Variants in MAP2K5 observed in about 807,000 individuals in gnomAD.
MAP2K5 encodes mitogen-activated protein kinase kinase 5.
A neutral mutation model predicts 83.1 loss-of-function variants in MAP2K5; 49 were observed. The ratio of observed to expected loss-of-function variants is 0.59; its 90% CI spans 0.47 to 0.75. The LOEUF (loss-of-function observed/expected upper bound fraction) is 0.75. Ranked by LOEUF, MAP2K5 falls within the 30% of genes least tolerant of loss-of-function variation. The probability of loss-of-function intolerance (pLI) is 0.00; values close to 1 mark genes in which losing one functional copy is unlikely to be tolerated. For missense variants in MAP2K5, 457 were observed against 557.5 expected, an observed-to-expected ratio of 0.82 and a Z score of 1.82; for synonymous variants, 202 against 191.8, an observed-to-expected ratio of 1.05 and a Z score of -0.44.
At chr15:67,679,136 C>T (rs902213606) in intron 13 of MAP2K5, among the ~76,000 whole-genome samples, 1 of 152,192 alleles carries the variant, frequency 6.6e-6, no homozygotes, top group East Asian at 1.9e-4. Context: ...ACCCTGACCC[C>T]TGATTGTGCT....
intron 4 of MAP2K5, among the ~76,000 whole-genome samples, chr15:67,585,375 G>T (rs1336889946): frequency 6.6e-6 from 1 of 152,144 alleles, no homozygotes; most frequent in East Asian, 1.9e-4. Flanking sequence ...AATAAAATTA[G>T]TTATATATCT....
chr15:67,628,098 G>A (rs1373402786), intron 8 of MAP2K5: 4 of 765,740 alleles, frequency 5.2e-6, no homozygotes, highest in East Asian at 2.7e-5. Flanking sequence ...CGGAAGAGCT[G>A]TGGGAACAAA....
chr15:67,731,635 A>G (rs956380448), intron 17 of MAP2K5, among the ~76,000 whole-genome samples: 1 of 152,154 alleles, frequency 6.6e-6, no homozygotes, highest in Non-Finnish European at 1.5e-5. Flanking sequence ...TACCTGACTC[A>G]GGCTGTGCAT....
rs1237310595 is a variant in MAP2K5, at chr15:67,775,947, A to G, written c.1242+3195A>G. ...CACCAGCTGGGCAATCTCTTAAGACATTCCACTTCTATACAAGGAACCCTG... is the reference window on the plus strand; with the variant it reads ...CACCAGCTGGGCAATCTCTTAAGACGTTCCACTTCTATACAAGGAACCCTG... On this transcript the variant is annotated intron_variant, in intron 21 of 21. Transcript: ENST00000178640. The surrounding 1 kb of genome is among the most constrained non-coding windows in gnomAD (Gnocchi z 5.3). Among the ~76,000 whole-genome samples the G allele has an allele frequency of 6.6e-6, 1 of 152,202 alleles. No individual in the cohort carries two copies. Among genetic ancestry groups the G allele is most frequent in the African/African-American group, 2.4e-5 (1 of 41,458 alleles).
intron 6 of MAP2K5, chr15:67,588,189 C>G: frequency 5.6e-6 from 4 of 714,468 alleles, no homozygotes; most frequent in Non-Finnish European, 6.9e-6. Flanking sequence ...GCTTGCTGGC[C>G]CACCTCTGTA....
chr15:67,618,963 T>C (rs1817701676), intron 8 of MAP2K5, among the ~76,000 whole-genome samples: 1 of 152,194 alleles, frequency 6.6e-6, no homozygotes, highest in Non-Finnish European at 1.5e-5. Context: ...TGACCTCTTA[T>C]ATCACTTGGA....
rs4776375 is a variant in MAP2K5, at chr15:67,793,217, G to A, written c.1243-13429G>A. On this transcript the variant is annotated intron_variant, in intron 21 of 21. Transcript: ENST00000178640. The surrounding 1 kb of genome is among the most constrained non-coding windows in gnomAD (Gnocchi z 4.6). ...GCCCAGGAGTTCAAAGGTGTAGTGCGGAATGATTGTGCTTGTGAATAGCCA... is the reference window on the plus strand; with the variant it reads ...GCCCAGGAGTTCAAAGGTGTAGTGCAGAATGATTGTGCTTGTGAATAGCCA... Among the ~76,000 whole-genome samples the A allele has an allele frequency of 0.3, 45,584 of 151,996 alleles. 7,866 individuals carry two copies. Among genetic ancestry groups the A allele is most frequent in the East Asian group, 0.6 (3,079 of 5,172 alleles).
chr15:67,554,398 T>C lies in MAP2K5; in HGVS notation c.184+4316T>C, dbSNP rs147990870. ...TTAATACTGAAAATATACCTAACAC[T>C]AATTGATATCTTATATAAAAGAAAT... On this transcript the variant is annotated intron_variant, in intron 2 of 21. Transcript: ENST00000178640. Among the ~76,000 whole-genome samples the C allele has an allele frequency of 2.4e-4, 37 of 152,344 alleles. No homozygotes were observed. The East Asian group carries it at 5.0e-3, about 21-fold the overall frequency.
chr15:67,789,939 A>C (rs1396232844), intron 21 of MAP2K5, among the ~76,000 whole-genome samples: 2 of 152,168 alleles, frequency 1.3e-5, no homozygotes, highest in Middle Eastern at 3.2e-3. Flanking sequence ...CCACTTCTGC[A>C]GTCTGTGGTC....
At chr15:67,590,153 A>G (rs948657538) in intron 6 of MAP2K5, among the ~76,000 whole-genome samples, 9 of 152,178 alleles carry the variant, frequency 5.9e-5, no homozygotes, top group African/African-American at 2.2e-4. Flanking sequence ...GGATGAAGAC[A>G]TGCTTTATAA....
chr15:67,636,208 C>T lies in MAP2K5; in HGVS notation c.585+5281C>T, dbSNP rs543259337. ...TGGGCGGATCATGAGGTCAGGAGAT[C>T]GAGACCATCCTAACACGGTGAAACC... On this transcript the variant is annotated intron_variant, in intron 9 of 21. Transcript: ENST00000178640. The surrounding 1 kb of genome is among the most constrained non-coding windows in gnomAD (Gnocchi z 4.7). Among the ~76,000 whole-genome samples, 2 of 152,098 alleles carry T rather than the reference C, an allele frequency of 1.3e-5. No individual in the cohort carries two copies. The highest frequency in any genetic ancestry group is 2.9e-5 in the Non-Finnish European group (2 of 67,998).
In MAP2K5 at chr15:67,702,830, C is replaced by A. The variant is rs888304463; in HGVS notation, c.973-507C>A. ...AAATAGGAATGTGTATTGCTCTGAT[C>A]TCATTTTTTCAAATTTCCTATAAGT... On this transcript the variant is annotated intron_variant, in intron 15 of 21. Transcript: ENST00000178640. This position sits in a 1 kb window ranked among gnomAD's most constrained non-coding sequence, Gnocchi z 4.6. Among the ~76,000 whole-genome samples the A allele has an allele frequency of 4.6e-5, 7 of 152,136 alleles. No individual in the cohort carries two copies. Among genetic ancestry groups the A allele is most frequent in the African/African-American group, 1.4e-4 (6 of 41,414 alleles).
chr15:67,615,625 C>G (rs889894960), intron 8 of MAP2K5, among the ~76,000 whole-genome samples: 1 of 151,984 alleles, frequency 6.6e-6, no homozygotes, highest in Non-Finnish European at 1.5e-5. Flanking sequence ...TAAAATCTAC[C>G]TTCAAATAAA....
intron 8 of MAP2K5, among the ~76,000 whole-genome samples, chr15:67,616,690 T>G (rs566759574): frequency 6.6e-6 from 1 of 152,348 alleles, no homozygotes; most frequent in South Asian, 2.1e-4. Flanking sequence ...GTCTTCTACC[T>G]GTTCTCTGAG....
rs779372954 is a variant in MAP2K5, at chr15:67,778,036, C to T, written c.1242+5284C>T. On this transcript the variant is annotated intron_variant, in intron 21 of 21. Coordinates refer to ENST00000178640, the MANE Select transcript of MAP2K5 (RefSeq NM_145160.3). The surrounding 1 kb of genome is among the most constrained non-coding windows in gnomAD (Gnocchi z 5.0). The stretch of plus-strand genomic sequence containing the variant: ...CTTGGATTTTTTTCCTTCATGTCAT[C>T]CCAGCAGCTGCAAACTTGAAGGCAT... Among the ~76,000 whole-genome samples, 19 of 152,164 alleles carry T rather than the reference C, an allele frequency of 1.2e-4. No homozygotes were observed. The highest frequency in any genetic ancestry group is 2.5e-4 in the Non-Finnish European group (17 of 68,032).
intron 8 of MAP2K5, among the ~76,000 whole-genome samples, chr15:67,621,682 A>G (rs970055515): frequency 6.6e-5 from 10 of 152,208 alleles, no homozygotes; most frequent in Non-Finnish European, 1.3e-4. Context: ...AGAAAAACTT[A>G]ATGAAATTGT....
chr15:67,630,450 C>CA (rs1036613481), intron 8 of MAP2K5, among the ~76,000 whole-genome samples: 218 of 150,010 alleles, frequency 1.5e-3, no homozygotes, highest in African/African-American at 5.0e-3. Flanking sequence ...AAAAAATAAG[C>CA]AAAAAAAATG....
chr15:67,642,263 G>A (rs970683032), intron 9 of MAP2K5, among the ~76,000 whole-genome samples: 1 of 152,200 alleles, frequency 6.6e-6, no homozygotes, highest in African/African-American at 2.4e-5. Context: ...GATTATAGTT[G>A]TAAAGACTTG....
intron 17 of MAP2K5, among the ~76,000 whole-genome samples, chr15:67,731,401 A>T (rs2089217292): frequency 6.6e-6 from 1 of 152,150 alleles, no homozygotes; most frequent in South Asian, 2.1e-4. Context: ...GCCATTCTGT[A>T]TGAGTTTCAT....
Sources: gnomAD v4.1 joint callset for allele counts (sites outside exome capture counted in the v4.1 genomes callset) on GRCh38, gnomAD v4.1.1 for gene constraint, Gnocchi (gnomAD v3.1) non-coding constraint, MANE v1.5 for transcripts, NCBI Gene and HGNC (gene_info 2026-07-23, HGNC 2026-07-21) for gene names.